The following CA10 variants were observed in gnomAD, a reference collection of about 807,000 sequenced individuals.
CA10 encodes the protein carbonic anhydrase 10 (inactive).
CA10 carries 14 observed loss-of-function variants against 44.2 expected under a neutral mutation model. That is an observed-to-expected ratio of 0.32 (90% CI 0.21 to 0.50). The LOEUF (loss-of-function observed/expected upper bound fraction) is 0.50. CA10 is among the 20% of genes least tolerant of loss of function. The pLI is 0.99. For synonymous variants in CA10, 159 were observed against 141.6 expected, an observed-to-expected ratio of 1.12 and a Z score of -0.87; for missense variants, 350 against 409.7, an observed-to-expected ratio of 0.85 and a Z score of 1.26.
chr17:51,674,095 A>T (rs560783887), intron 4 of CA10, among the ~76,000 whole-genome samples: 9 of 152,202 alleles, frequency 5.9e-5, no homozygotes, highest in Non-Finnish European at 1.2e-4. Flanking sequence ...ACCTCTATTA[A>T]GGCCTCTACT....
chr17:51,825,911 C>A (rs1218411551), intron 3 of CA10, among the ~76,000 whole-genome samples: 1 of 152,200 alleles, frequency 6.6e-6, no homozygotes, highest in East Asian at 1.9e-4. Flanking sequence ...TCTTAGCATG[C>A]CCATATGCCC....
chr17:51,694,495 G>GT (rs548169573), intron 4 of CA10, among the ~76,000 whole-genome samples: 2,471 of 127,334 alleles, frequency 0.019, 46 homozygotes, highest in African/African-American at 0.045. Flanking sequence ...TTTTAATGGG[G>GT]TTTTTTTTTT....
chr17:51,692,382 TC>T (rs1368758896), intron 4 of CA10, among the ~76,000 whole-genome samples: 1 of 115,222 alleles, frequency 8.7e-6, no homozygotes, highest in African/African-American at 3.1e-5. Flanking sequence ...TATCTATCTA[TC>T]TATCTATCTA....
chr17:51,910,715 C>A (rs1413757696), intron 3 of CA10, among the ~76,000 whole-genome samples: 1 of 152,098 alleles, frequency 6.6e-6, no homozygotes, highest in African/African-American at 2.4e-5. Context: ...TCAAAGGAAG[C>A]AAGGTTTTTC....
chr17:51,917,935 G>T (rs1182582270), intron 3 of CA10, among the ~76,000 whole-genome samples: 2 of 152,066 alleles, frequency 1.3e-5, no homozygotes, highest in African/African-American at 4.8e-5. Flanking sequence ...CCATTCCCTG[G>T]CAGCTTTCAC....
intron 1 of CA10, among the ~76,000 whole-genome samples, chr17:52,077,088 G>T (rs1018293309): frequency 1.3e-5 from 2 of 152,220 alleles, no homozygotes; most frequent in Admixed American, 1.3e-4. Context: ...CACTGTGGCA[G>T]TTTGAGAACT....
intron 1 of CA10, among the ~76,000 whole-genome samples, chr17:52,135,953 G>A (rs1393621636): frequency 6.6e-6 from 1 of 152,116 alleles, no homozygotes; most frequent in Non-Finnish European, 1.5e-5. Context: ...CTTTATATCA[G>A]GTCCCCTCTT....
At chr17:51,918,391 T>A (rs757601872) in intron 3 of CA10, among the ~76,000 whole-genome samples, 73 of 152,204 alleles carry the variant, frequency 4.8e-4, no homozygotes, top group Non-Finnish European at 9.1e-4. Flanking sequence ...TGAAAAATAT[T>A]CTTGATAGGA....
At chr17:51,686,453 G>T (rs1037384625) in intron 4 of CA10, among the ~76,000 whole-genome samples, 1 of 152,032 alleles carries the variant, frequency 6.6e-6, no homozygotes, top group African/African-American at 2.4e-5. Context: ...ATACCCTGAA[G>T]ATACTCAAAG....
intron 1 of CA10, 51 bp from the exon 2 acceptor site, chr17:52,072,444 T>C (rs1337214183): frequency 7.6e-7 from 1 of 1,319,902 alleles, no homozygotes; most frequent in Admixed American, 1.7e-5. Context: ...AGAAGCACTG[T>C]GTCCCGGCTG....
intron 3 of CA10, among the ~76,000 whole-genome samples, chr17:51,820,682 A>G (rs896999393): frequency 1.4e-4 from 22 of 152,082 alleles, no homozygotes; most frequent in African/African-American, 4.8e-4. Context: ...TCTGTTATCT[A>G]TTGGCTGTGA....
At chr17:52,132,696 A>T (rs1567743815) in intron 1 of CA10, among the ~76,000 whole-genome samples, 1 of 152,310 alleles carries the variant, frequency 6.6e-6, no homozygotes, top group East Asian at 1.9e-4. Flanking sequence ...GCTTATAGGC[A>T]GTTCTAGAAA....
intron 2 of CA10, among the ~76,000 whole-genome samples, chr17:52,006,894 G>A (rs1019380523): frequency 2.0e-5 from 3 of 151,680 alleles, no homozygotes; most frequent in African/African-American, 7.2e-5. Flanking sequence ...AGCCAGTCGT[G>A]CACATTGTGA....
chr17:51,696,397 T>C (rs576723582), intron 4 of CA10, among the ~76,000 whole-genome samples: 1 of 152,184 alleles, frequency 6.6e-6, no homozygotes, highest in African/African-American at 2.4e-5. Context: ...TTGCGTGTTT[T>C]CAGAAATTTA....
intron 2 of CA10, among the ~76,000 whole-genome samples, chr17:52,066,630 A>G (rs949026840): frequency 6.6e-6 from 1 of 152,220 alleles, no homozygotes; most frequent in Admixed American, 6.5e-5. Context: ...CTTCTCAGTC[A>G]TGTGGAACTG....
At chr17:52,118,527 A>G (rs574825127) in intron 1 of CA10, among the ~76,000 whole-genome samples, 1 of 152,254 alleles carries the variant, frequency 6.6e-6, no homozygotes, top group East Asian at 1.9e-4. Flanking sequence ...TTCTGACCTC[A>G]GCTTTTGGAT....
chr17:51,984,913 A>G (rs866467024), intron 2 of CA10, among the ~76,000 whole-genome samples: 5 of 151,656 alleles, frequency 3.3e-5, no homozygotes, highest in African/African-American at 1.2e-4. Flanking sequence ...ATTCACAGCA[A>G]AATTCTAAGA....
chr17:52,059,066 C>T lies in CA10; in HGVS notation c.136+13253G>A, dbSNP rs1428464362. Among the ~76,000 whole-genome samples the T allele has an allele frequency of 3.3e-5, 5 of 152,184 alleles. No homozygotes were observed. The East Asian group carries it at 5.8e-4, about 18-fold the overall frequency. The stretch of plus-strand genomic sequence containing the variant: ...GTGAGTCAGTGTAACATCACCCTCT[C>T]ATACTGAGAGAATATATCCATTAAA... On this transcript the variant is annotated intron_variant, in intron 2 of 8. Transcript: ENST00000451037.
intron 3 of CA10, among the ~76,000 whole-genome samples, chr17:51,849,235 A>ATG (rs1360614839): frequency 3.9e-5 from 3 of 77,696 alleles, no homozygotes; most frequent in South Asian, 3.5e-4. Context: ...ATGTGTGTGT[A>ATG]TATATATATA....
Sources: allele counts gnomAD v4.1 joint callset (sites outside exome capture counted in the v4.1 genomes callset), GRCh38; gene constraint gnomAD v4.1.1; transcripts MANE v1.5; gene names NCBI Gene and HGNC (gene_info 2026-07-23, HGNC 2026-07-21).